Variants in TRPM7 observed in about 807,000 individuals in gnomAD.
TRPM7 encodes LTRPC ion channel family member 7.
TRPM7 carries 134 observed loss-of-function variants against 229.7 expected under a neutral mutation model. That is an observed-to-expected ratio of 0.58 (90% confidence interval 0.51 to 0.67). TRPM7 has a LOEUF of 0.67. TRPM7 is among the 30% of genes least tolerant of loss of function. The probability of loss-of-function intolerance (pLI) is 0.00; values close to 1 mark genes in which losing one functional copy is unlikely to be tolerated. For synonymous variants in TRPM7, 699 were observed against 715.2 expected (o/e 0.98, Z 0.36); for missense variants, 1,901 against 2,210.0 (o/e 0.86, Z 2.80).
intron 38 of TRPM7, among the ~76,000 whole-genome samples, chr15:50,564,859 C>T (rs1297531007): frequency 1.3e-5 from 2 of 152,012 alleles, no homozygotes; most frequent in African/African-American, 4.8e-5. Context: ...AGCTAATCTG[C>T]GATTACTGTA....
intron 7 of TRPM7, among the ~76,000 whole-genome samples, chr15:50,636,324 G>C (rs1208944419): frequency 6.6e-6 from 1 of 151,862 alleles, no homozygotes; most frequent in Non-Finnish European, 1.5e-5. Context: ...CCAAGAAGCT[G>C]GGACTACAAG....
intron 2 of TRPM7, 51 bp from the exon 3 acceptor site, chr15:50,657,870 A>G: frequency 6.8e-7 from 1 of 1,466,584 alleles, no homozygotes; most frequent in Middle Eastern, 1.8e-4. Flanking sequence ...AAACTTTCTG[A>G]TTTTAAAGTA....
intron 28 of TRPM7, 42 bp downstream of exon 28, chr15:50,586,350 G>A: frequency 8.0e-7 from 1 of 1,253,186 alleles, no homozygotes; most frequent in Non-Finnish European, 1.2e-6. Context: ...AAGTGTAAAT[G>A]AGTATGTTTT....
chr15:50,685,799 C>T (rs922933943), intron 1 of TRPM7, among the ~76,000 whole-genome samples: 1 of 152,142 alleles, frequency 6.6e-6, no homozygotes, highest in Non-Finnish European at 1.5e-5. Flanking sequence ...CCATTCCGCA[C>T]CTTTCGGTTT....
At chr15:50,633,953 C>T (rs764372936) in intron 8 of TRPM7, among the ~76,000 whole-genome samples, 21 of 152,278 alleles carry the variant, frequency 1.4e-4, no homozygotes, top group African/African-American at 2.2e-4. Context: ...TTAAACTTAA[C>T]ATTTTCATGT....
chr15:50,685,745 A>C (rs1321935961), intron 1 of TRPM7, among the ~76,000 whole-genome samples: 2 of 152,158 alleles, frequency 1.3e-5, no homozygotes, highest in Non-Finnish European at 2.9e-5. Flanking sequence ...ATATCCAAAA[A>C]TAAAAAGCTC....
chr15:50,617,223 G>T (rs2060249524), intron 13 of TRPM7, among the ~76,000 whole-genome samples: 1 of 151,758 alleles, frequency 6.6e-6, no homozygotes, highest in African/African-American at 2.4e-5. Flanking sequence ...TGTAGTCCCA[G>T]CTACTCGGGA....
chr15:50,583,953 T>C (rs909205510), intron 28 of TRPM7, among the ~76,000 whole-genome samples: 5 of 152,230 alleles, frequency 3.3e-5, no homozygotes, highest in Admixed American at 6.5e-5. Context: ...TGGATACACA[T>C]TAATGTATTT....
At position 50,605,008 on chromosome 15, in the gene TRPM7, A is replaced by T. The variant is rs55681028; in HGVS notation, c.2846T>A (p.Phe949Tyr). The T allele has an allele frequency of 3.9e-3, 6,245 of 1,613,972 alleles. 12 individuals carry two copies. Among genetic ancestry groups the T allele is most frequent in the Non-Finnish European group, 4.8e-3 (5,691 of 1,179,920 alleles). Residue 949 changes from phenylalanine to tyrosine, a missense_variant, in exon 21 of 39, where the codon TTT becomes TAT. Phe to Tyr is a conservative substitution (Grantham distance 22). Transcript: ENST00000646667. The part of the protein sequence containing the change: ...FGLRFGAKWN[F>Y]ANAYDNHVFV... ...AACATGATTATCATATGCATTTGCA[A>T]AGTTCCATTTTGCTCCAAATCTTAG... is the stretch of plus-strand genomic sequence containing the variant.
At chr15:50,569,273 T>C (rs3131578) in intron 38 of TRPM7, among the ~76,000 whole-genome samples, 52,243 of 151,978 alleles carry the variant, frequency 0.34, 10,361 homozygotes, top group Admixed American at 0.48. Context: ...GTTTGTGCTT[T>C]AACTAACAAT....
chr15:50,602,715 T>C (rs1434598918), intron 21 of TRPM7, among the ~76,000 whole-genome samples: 1 of 152,196 alleles, frequency 6.6e-6, no homozygotes, highest in African/African-American at 2.4e-5. Context: ...ACTCTTAACA[T>C]GTAATAGATA....
chr15:50,685,066 T>C (rs1054061849), intron 1 of TRPM7, among the ~76,000 whole-genome samples: 7 of 152,362 alleles, frequency 4.6e-5, no homozygotes, highest in African/African-American at 9.6e-5. Flanking sequence ...AATTATCCCA[T>C]TGAGGAATGA....
At chr15:50,638,290 C>T (rs112925449) in intron 6 of TRPM7, among the ~76,000 whole-genome samples, 2,878 of 133,320 alleles carry the variant, frequency 0.022, 107 homozygotes, top group African/African-American at 0.077. Flanking sequence ...ACCCGGGAGG[C>T]GGAGCTTGCA....
chr15:50,644,362 A>G (rs2061196026), intron 4 of TRPM7, among the ~76,000 whole-genome samples: 1 of 152,246 alleles, frequency 6.6e-6, no homozygotes, highest in African/African-American at 2.4e-5. Flanking sequence ...TAAAGCACAT[A>G]TATGAAGTAG....
chr15:50,609,733 A>G lies in TRPM7; in HGVS notation c.2437-9T>C. 1 of 120,888 alleles carries G rather than the reference A, an allele frequency of 8.3e-6. No individual in the cohort carries two copies. The highest frequency in any genetic ancestry group is 1.2e-5 in the Non-Finnish European group (1 of 85,270). The allele number at this position is 120,888 out of a possible 1,614,324, so 7.5% of individuals were successfully genotyped here. On this transcript the variant is annotated splice_polypyrimidine_tract_variant and intron_variant, in intron 18 of 38. Transcript: ENST00000646667. ...ACTTCTTTAAACACTTCCTAAAATT[A>G]AAAAAAAAAAAATTCTTTTGTACAA... is the stretch of plus-strand genomic sequence containing the variant.
chr15:50,605,434 T>C (rs1047526334), intron 20 of TRPM7, among the ~76,000 whole-genome samples: 3 of 152,196 alleles, frequency 2.0e-5, no homozygotes, highest in Non-Finnish European at 4.4e-5. Context: ...TTTGAAAAAT[T>C]GTTTTATTTC....
intron 3 of TRPM7, among the ~76,000 whole-genome samples, chr15:50,653,098 T>C (rs913296815): frequency 6.6e-6 from 1 of 152,106 alleles, no homozygotes; most frequent in Non-Finnish European, 1.5e-5. Flanking sequence ...CTGCAGTGAC[T>C]GTGACACTGC....
In TRPM7 at chr15:50,575,714, T is replaced by G. The variant is rs1190222225; in HGVS notation, c.4735+10A>C. On this transcript the variant is annotated intron_variant, in intron 33 of 38. Coordinates refer to ENST00000646667, the MANE Select transcript of TRPM7 (RefSeq NM_017672.6). ...TTTCACTTATTTATTTCTTTAATTT[T>G]TGGATTTACCTCTTGGAGGCACAGG... 2 of 1,605,354 alleles carry G rather than the reference T, an allele frequency of 1.2e-6. No individual in the cohort carries two copies. The highest frequency in any genetic ancestry group is 1.7e-6 in the Non-Finnish European group (2 of 1,176,810).
chr15:50,582,393 T>A (rs1488295191), intron 29 of TRPM7: 1 of 152,216 alleles, frequency 6.6e-6, no homozygotes, highest in East Asian at 1.9e-4. Context: ...TATTTTGTCA[T>A]CTATAACCAA....
Sources: gnomAD v4.1 joint callset for allele counts (sites outside exome capture counted in the v4.1 genomes callset) on GRCh38, gnomAD v4.1.1 for gene constraint, MANE v1.5 for transcripts, NCBI Gene and HGNC (gene_info 2026-07-23, HGNC 2026-07-21) for gene names.